SMAD9: variants seen among roughly 807,000 people sequenced by gnomAD.
The protein encoded by SMAD9 is SMAD family member 9, also known as MAD homolog 9.
A neutral mutation model predicts 46.1 loss-of-function variants in SMAD9; 36 were observed. That is an observed-to-expected ratio of 0.78 (90% CI 0.60 to 1.03). The LOEUF (loss-of-function observed/expected upper bound fraction) is 1.03, where lower values mean the gene tolerates loss of function less well. SMAD9 is among the 50% of genes least tolerant of loss of function. SMAD9 has a pLI of 0.00. For missense variants in SMAD9, 572 were observed against 599.8 expected, an observed-to-expected ratio of 0.95 and a Z score of 0.48; for synonymous variants, 245 against 237.1, an observed-to-expected ratio of 1.03 and a Z score of -0.31.
At chr13:36,896,447 T>C (rs1318610023) in intron 1 of SMAD9, among the ~76,000 whole-genome samples, 1 of 152,106 alleles carries the variant, frequency 6.6e-6, no homozygotes, top group Non-Finnish European at 1.5e-5. Flanking sequence ...TTTTATTTAC[T>C]AAACATCCTT....
rs142839771 is a variant in SMAD9, at chr13:36,908,248, A to G, written c.-187+11868T>C. 2.6e-5 allele frequency among the ~76,000 whole-genome samples: 4 copies of G among 152,364 alleles called. 1 individual carries two copies. The highest frequency in any genetic ancestry group is 9.6e-5 in the African/African-American group (4 of 41,586). On this transcript the variant is annotated intron_variant, in intron 1 of 6. Coordinates refer to ENST00000379826, the MANE Select transcript of SMAD9 (RefSeq NM_001127217.3). ...CACAACCATCCAACAGCAATGTTAC[A>G]TGCCATGAATCAGTATTATTCAGCT...
In SMAD9 at chr13:36,865,607, G is replaced by A. The variant is rs2058224782; in HGVS notation, c.933C>T (p.Phe311=). 1 of 1,614,150 alleles carries A rather than the reference G, an allele frequency of 6.2e-7. No homozygotes were observed. Among genetic ancestry groups the A allele is most frequent in the East Asian group, 2.2e-5 (1 of 44,884 alleles). ...TTACATTAGAAAGAAGTCCAAGACAGAATCTGTTCCTGTTATTTGAAGGGT... is the reference window on the plus strand; with the variant it reads ...TTACATTAGAAAGAAGTCCAAGACAAAATCTGTTCCTGTTATTTGAAGGGT... The part of the protein sequence containing the change: ...FTDPSNNRNR[F]CLGLLSNVNR... The change falls in exon 5 of 7, where the codon TTC becomes TTT. Residue 311 remains phenylalanine (F), a synonymous_variant. Transcript: ENST00000379826.
chr13:36,875,365 A>T (rs1289594496), intron 2 of SMAD9, among the ~76,000 whole-genome samples: 2 of 152,200 alleles, frequency 1.3e-5, no homozygotes, highest in East Asian at 3.8e-4. Flanking sequence ...ATAAACTAAG[A>T]AGGGTAAATA....
intron 5 of SMAD9, among the ~76,000 whole-genome samples, chr13:36,854,103 G>A (rs1388539991): frequency 6.6e-6 from 1 of 152,098 alleles, no homozygotes; most frequent in Non-Finnish European, 1.5e-5. Context: ...AGGTTGCAGT[G>A]AGCCAAGGTA....
intron 1 of SMAD9, among the ~76,000 whole-genome samples, chr13:36,893,523 G>A (rs1484208872): frequency 1.3e-5 from 2 of 149,922 alleles, no homozygotes; most frequent in Non-Finnish European, 3.0e-5. Context: ...GCAAAAATCT[G>A]GAAATAACCC....
chr13:36,854,596 T>G (rs1355986476), intron 5 of SMAD9, among the ~76,000 whole-genome samples: 1 of 152,008 alleles, frequency 6.6e-6, no homozygotes, highest in Non-Finnish European at 1.5e-5. Context: ...AGTCTCAAAC[T>G]CCCAACCTCA....
At chr13:36,856,939 A>T (rs112548352) in intron 5 of SMAD9, among the ~76,000 whole-genome samples, 479 of 151,178 alleles carry the variant, frequency 3.2e-3, no homozygotes, top group Non-Finnish European at 5.1e-3. Flanking sequence ...AGTAGCTGGG[A>T]TTACAGGCGC....
intron 3 of SMAD9, among the ~76,000 whole-genome samples, chr13:36,870,588 A>C (rs2058281628): frequency 6.6e-6 from 1 of 152,158 alleles, no homozygotes; most frequent in South Asian, 2.1e-4. Context: ...CTCAATAGCT[A>C]CTGACTCCTG....
chr13:36,865,725 T>C lies in SMAD9; in HGVS notation c.815A>G (p.His272Arg). Residue 272 changes from histidine to arginine, a missense_variant, in exon 5 of 7, where the codon CAC becomes CGC. Coordinates refer to ENST00000379826, the MANE Select transcript of SMAD9 (RefSeq NM_001127217.3). ...TTCATAGTAGGCGACCGAGCACCAG[T>C]GCTGGGGCTCCTCGTAACAAACTGG... ...FRPVCYEEPQ[H>R]WCSVAYYELN... is the part of the protein sequence containing the mutation. The C allele has an allele frequency of 6.2e-7, 1 of 1,614,126 alleles. No individual in the cohort carries two copies. The highest frequency in any genetic ancestry group is 1.1e-5 in the South Asian group (1 of 91,082).
intron 5 of SMAD9, among the ~76,000 whole-genome samples, chr13:36,854,376 T>A (rs1018604820): frequency 6.6e-6 from 1 of 152,050 alleles, no homozygotes; most frequent in African/African-American, 2.4e-5. Context: ...AATTTTATTT[T>A]TTTTTTTTTG....
At chr13:36,891,581 C>G (rs911179939) in intron 1 of SMAD9, among the ~76,000 whole-genome samples, 28 of 152,114 alleles carry the variant, frequency 1.8e-4, no homozygotes, top group African/African-American at 6.8e-4. Context: ...AAACTCTGGG[C>G]CAGGCCAGAA....
chr13:36,884,666 T>G (rs1420692898), intron 1 of SMAD9, among the ~76,000 whole-genome samples: 1 of 152,176 alleles, frequency 6.6e-6, no homozygotes, highest in East Asian at 1.9e-4. Context: ...CTTTTTTACT[T>G]TAAGTTGACG....
At chr13:36,879,195 T>C in intron 2 of SMAD9, 83 bp downstream of exon 2, 2 of 1,217,244 alleles carry the variant, frequency 1.6e-6, no homozygotes, top group Non-Finnish European at 2.4e-6. Context: ...GGTCCCTGTC[T>C]GCTGGTGCCC....
Position 36,879,724 on chromosome 13 carries a change from C to T in SMAD9, c.-35G>A, listed in dbSNP as rs1172693375. ...CAGCAGGCTCCGGCGCGCACGGGAA[C>T]CGCACAGCCCTTCACGGCAAAGTGG... is the stretch of plus-strand genomic sequence containing the variant. On this transcript the variant is annotated 5_prime_UTR_variant, in exon 2 of 7. Transcript: ENST00000379826. The T allele has an allele frequency of 1.2e-6, 2 of 1,611,542 alleles. No homozygotes were observed. Among genetic ancestry groups the T allele is most frequent in the Admixed American group, 3.3e-5 (2 of 60,024 alleles).
intron 1 of SMAD9, among the ~76,000 whole-genome samples, chr13:36,891,654 A>G (rs4941853): frequency 0.043 from 6,616 of 152,270 alleles, 347 homozygotes; most frequent in East Asian, 0.18. Context: ...TGGCACCCAC[A>G]GGACAGCTTC....
intron 1 of SMAD9, among the ~76,000 whole-genome samples, chr13:36,907,173 A>C (rs1684689456): frequency 6.6e-6 from 1 of 152,330 alleles, no homozygotes; most frequent in South Asian, 2.1e-4. Context: ...TACTTATATG[A>C]AATATCTAGA....
chr13:36,864,197 T>A (rs892473754), intron 5 of SMAD9, among the ~76,000 whole-genome samples: 5 of 152,270 alleles, frequency 3.3e-5, no homozygotes, highest in African/African-American at 9.6e-5. Context: ...TTATTTCCTT[T>A]GAGGAATGGC....
chr13:36,905,764 G>A (rs2058613839), intron 1 of SMAD9, among the ~76,000 whole-genome samples: 1 of 64,146 alleles, frequency 1.6e-5, no homozygotes, highest in South Asian at 5.7e-4. Flanking sequence ...AAAAGGGCAA[G>A]ACCCTGTCTC....
chr13:36,859,413 T>C (rs571682098), intron 5 of SMAD9, among the ~76,000 whole-genome samples: 1 of 152,270 alleles, frequency 6.6e-6, no homozygotes, highest in East Asian at 1.9e-4. Context: ...GTAGGCATTC[T>C]AAGTCATAGG....
Sources: gnomAD v4.1 joint callset for allele counts (sites outside exome capture counted in the v4.1 genomes callset) on GRCh38, gnomAD v4.1.1 for gene constraint, MANE v1.5 for transcripts, NCBI Gene and HGNC (gene_info 2026-07-23, HGNC 2026-07-21) for gene names.